RB1: variants seen among roughly 807,000 people sequenced by gnomAD.
RB1 encodes the protein RB transcriptional corepressor 1, also known as retinoblastoma-associated protein.
In RB1, 18 loss-of-function variants were observed where a neutral mutation model predicts 135.4. The observed-to-expected ratio is 0.13, with a 90% CI of 0.09 to 0.20. The LOEUF (loss-of-function observed/expected upper bound fraction) is 0.20. Among genes scored for constraint, RB1 ranks in the 10% least tolerant of loss-of-function variants. The pLI is 1.00. For synonymous variants in RB1, 365 were observed against 373.2 expected, an observed-to-expected ratio of 0.98 and a Z score of 0.25; for missense variants, 868 against 1,110.0, an observed-to-expected ratio of 0.78 and a Z score of 3.10.
intron 2 of RB1, chr13:48,317,969 A>G: frequency 4.5e-6 from 2 of 448,652 alleles, no homozygotes; most frequent in Non-Finnish European, 8.5e-6. Flanking sequence ...AAACTTACTA[A>G]TCTACAGTTC....
chr13:48,444,556 T>C (rs1387057932), intron 17 of RB1: 1 of 152,330 alleles, frequency 6.6e-6, no homozygotes, highest in East Asian at 1.9e-4. Flanking sequence ...CACTTACCGG[T>C]TTATTACAAA....
At chr13:48,366,912 A>G (rs927436488) in intron 9 of RB1, among the ~76,000 whole-genome samples, 5 of 152,170 alleles carry the variant, frequency 3.3e-5, no homozygotes, top group African/African-American at 1.2e-4. Context: ...TGAGGTCAGG[A>G]GTTCAAGACC....
At chr13:48,343,755 G>T (rs1952467671) in intron 3 of RB1, among the ~76,000 whole-genome samples, 1 of 151,944 alleles carries the variant, frequency 6.6e-6, no homozygotes, top group Non-Finnish European at 1.5e-5. Context: ...CTTTTTCTTT[G>T]GATATATCTG....
chr13:48,397,213 T>C (rs1303089798), intron 17 of RB1, among the ~76,000 whole-genome samples: 1 of 152,212 alleles, frequency 6.6e-6, no homozygotes, highest in Non-Finnish European at 1.5e-5. Flanking sequence ...ATTGCAGCAC[T>C]ATTCACAATA....
chr13:48,433,142 T>C (rs1294455215), intron 17 of RB1, among the ~76,000 whole-genome samples: 1 of 152,142 alleles, frequency 6.6e-6, no homozygotes, highest in African/African-American at 2.4e-5. Flanking sequence ...TGAACATACA[T>C]GTAAGCTACT....
chr13:48,399,260 T>C (rs2138177071), intron 17 of RB1, among the ~76,000 whole-genome samples: 1 of 152,122 alleles, frequency 6.6e-6, no homozygotes, highest in Non-Finnish European at 1.5e-5. Flanking sequence ...AGTAAAAGAT[T>C]CCAGGTATGC....
chr13:48,412,226 A>G (rs199707535), intron 17 of RB1: 2 of 1,614,110 alleles, frequency 1.2e-6, no homozygotes, highest in African/African-American at 1.3e-5. Flanking sequence ...AAGTAAAAAC[A>G]AAAAGCAAGT....
chr13:48,414,341 T>G (rs1405449239), intron 17 of RB1, among the ~76,000 whole-genome samples: 1 of 134,818 alleles, frequency 7.4e-6, no homozygotes, highest in Non-Finnish European at 1.6e-5. Context: ...CGAGACTATC[T>G]CAAAAAAAAA....
At chr13:48,397,481 C>T (rs569936450) in intron 17 of RB1, among the ~76,000 whole-genome samples, 15 of 152,050 alleles carry the variant, frequency 9.9e-5, no homozygotes, top group Admixed American at 2.6e-4. Context: ...CATCACACAC[C>T]GGGGCCTGTC....
chr13:48,350,361 TAAC>T (rs1328914053), intron 6 of RB1, among the ~76,000 whole-genome samples: 1 of 152,050 alleles, frequency 6.6e-6, no homozygotes, highest in Admixed American at 6.6e-5. Context: ...TAGAAATTAA[TAAC>T]AAGGTATTTT....
intron 23 of RB1, among the ~76,000 whole-genome samples, chr13:48,472,185 C>G (rs1041527154): frequency 2.6e-5 from 4 of 152,068 alleles, no homozygotes; most frequent in Non-Finnish European, 5.9e-5. Flanking sequence ...ATTATCAGCC[C>G]ATATGGTTGT....
At chr13:48,395,876 A>C (rs1192184248) in intron 17 of RB1, among the ~76,000 whole-genome samples, 1 of 152,178 alleles carries the variant, frequency 6.6e-6, no homozygotes, top group East Asian at 1.9e-4. Flanking sequence ...CAGGAAATAC[A>C]GGGAACACCA....
At position 48,348,925 on chromosome 13, in the gene RB1, GT is replaced by G. The variant is rs3092860; in HGVS notation, c.540-23del. The G allele has an allele frequency of 2.5e-6, 4 of 1,585,148 alleles. No homozygotes were observed. In the Admixed American group the frequency reaches 5.1e-5, roughly 20 times the overall value. The stretch of plus-strand genomic sequence containing the variant: ...TTTCTTTCAGTGATACATTTTTCCT[GT>G]TTTTTTTCTGCTTTCTATTTGTTTA... On this transcript the variant is annotated intron_variant, in intron 5 of 26. Coordinates refer to ENST00000267163, the MANE Select transcript of RB1 (RefSeq NM_000321.3).
chr13:48,459,955 C>CTTTGT, intron 20 of RB1, 122 bp downstream of exon 20: 1 of 367,622 alleles, frequency 2.7e-6, no homozygotes, highest in Non-Finnish European at 4.5e-6. Context: ...CTTTCTTTTT[C>CTTTGT]TTTCTTTCTT....
chr13:48,348,675 T>C (rs1292351176), intron 5 of RB1, among the ~76,000 whole-genome samples: 4 of 151,106 alleles, frequency 2.6e-5, no homozygotes, highest in Admixed American at 1.3e-4. Flanking sequence ...TACTTTTTTT[T>C]CTTAATTTTT....
In RB1 at chr13:48,457,430, C is replaced by T. The variant is rs184708774; in HGVS notation, c.1960+1081C>T. Among the ~76,000 whole-genome samples the T allele has an allele frequency of 2.0e-3, 308 of 152,288 alleles. 1 individual carries two copies. The South Asian group carries it at 0.02, about 10-fold the overall frequency. On this transcript the variant is annotated intron_variant, in intron 19 of 26. Coordinates refer to ENST00000267163, the MANE Select transcript of RB1 (RefSeq NM_000321.3). ...AGACTCGGGCTTCTGTGGGCCTCAG[C>T]GGGAAGAAAGTGTGCACCGATTGGT...
intron 17 of RB1, among the ~76,000 whole-genome samples, chr13:48,382,661 C>T (rs573380308): frequency 2.0e-5 from 3 of 151,972 alleles, no homozygotes; most frequent in East Asian, 1.9e-4. Context: ...TCACTCTGAT[C>T]GTAGTTTCTT....
At chr13:48,327,245 G>A (rs1278720775) in intron 2 of RB1, among the ~76,000 whole-genome samples, 1 of 151,408 alleles carries the variant, frequency 6.6e-6, no homozygotes, top group Non-Finnish European at 1.5e-5. Context: ...TAAGCAATAT[G>A]TACATTTAAA....
intron 17 of RB1, among the ~76,000 whole-genome samples, chr13:48,421,396 C>T (rs570660297): frequency 1.3e-5 from 2 of 152,136 alleles, no homozygotes; most frequent in Non-Finnish European, 2.9e-5. Context: ...AAATGTAAGA[C>T]CTAAAGCCAT....
Sources: gnomAD v4.1 joint callset for allele counts (sites outside exome capture counted in the v4.1 genomes callset) on GRCh38, gnomAD v4.1.1 for gene constraint, MANE v1.5 for transcripts, NCBI Gene and HGNC (gene_info 2026-07-23, HGNC 2026-07-21) for gene names.